Variants in KDM4C observed in about 807,000 individuals in gnomAD.
KDM4C encodes the protein lysine-specific demethylase 4C.
In KDM4C, 81 loss-of-function variants were observed where a neutral mutation model predicts 129.3. That is an observed-to-expected ratio of 0.63 (90% CI 0.52 to 0.75). The LOEUF (loss-of-function observed/expected upper bound fraction) is 0.75. KDM4C is among the 30% of genes least tolerant of loss of function. The probability of loss-of-function intolerance (pLI) is 0.00; values close to 1 mark genes in which losing one functional copy is unlikely to be tolerated. For synonymous variants in KDM4C, 573 were observed against 456.1 expected (o/e 1.26, Z -3.26); for missense variants, 1,457 against 1,304.0 (o/e 1.12, Z -1.81).
At chr9:6,805,087 G>T (rs985941811) in intron 2 of KDM4C, among the ~76,000 whole-genome samples, 1 of 152,068 alleles carries the variant, frequency 6.6e-6, no homozygotes, top group Non-Finnish European at 1.5e-5. Context: ...TTTTAGTAGA[G>T]GCGGGGTTTC....
In KDM4C at chr9:6,989,358, ACT is replaced by A. The variant is rs767521024; in HGVS notation, c.1678-1051_1678-1050del. 1.8e-3 allele frequency among the ~76,000 whole-genome samples: 274 copies of A among 152,116 alleles called. 1 individual carries two copies. Among genetic ancestry groups the A allele is most frequent in the Non-Finnish European group, 3.2e-3 (215 of 68,002 alleles). On this transcript the variant is annotated intron_variant, in intron 11 of 21. Coordinates refer to ENST00000381309, the MANE Select transcript of KDM4C (RefSeq NM_015061.6). ...CTTGATGTAAGCTTGCTGGGTTCAAACTCTCTCTGATATCCTCTTTCCCTTCC... is the reference window on the plus strand; with the variant it reads ...CTTGATGTAAGCTTGCTGGGTTCAAACTCTCTGATATCCTCTTTCCCTTCC...
chr9:6,752,280 T>C (rs1175506490), intron 1 of KDM4C, among the ~76,000 whole-genome samples: 4 of 113,026 alleles, frequency 3.5e-5, no homozygotes, highest in Admixed American at 2.6e-4. Flanking sequence ...TTGCAGTGAG[T>C]CGAGATCGCG....
At chr9:7,009,851 T>C (rs1285145280) in intron 12 of KDM4C, among the ~76,000 whole-genome samples, 1 of 152,156 alleles carries the variant, frequency 6.6e-6, no homozygotes, top group Non-Finnish European at 1.5e-5. Context: ...TTTTTTTCAA[T>C]AAATACATTA....
chr9:6,911,413 C>G (rs1170054150), intron 8 of KDM4C, among the ~76,000 whole-genome samples: 1 of 152,172 alleles, frequency 6.6e-6, no homozygotes, highest in African/African-American at 2.4e-5. Flanking sequence ...GTAATTGCAT[C>G]TGATATTTGT....
intron 19 of KDM4C, among the ~76,000 whole-genome samples, chr9:7,161,596 G>T (rs1199055179): frequency 6.6e-6 from 1 of 152,164 alleles, no homozygotes; most frequent in Non-Finnish European, 1.5e-5. Context: ...CTGAAGACCT[G>T]CACCCCACAG....
chr9:6,863,459 G>A (rs1841337878), intron 5 of KDM4C, among the ~76,000 whole-genome samples: 1 of 152,088 alleles, frequency 6.6e-6, no homozygotes, highest in Admixed American at 6.6e-5. Flanking sequence ...TCCATTCATG[G>A]TGGAAGTTGA....
chr9:7,007,819 AT>A (rs986684274), intron 12 of KDM4C, among the ~76,000 whole-genome samples: 1 of 152,352 alleles, frequency 6.6e-6, no homozygotes, highest in African/African-American at 2.4e-5. Flanking sequence ...TCATTTAAAA[AT>A]AGCAATAAAA....
At chr9:6,740,036 C>A (rs1170963437) in intron 1 of KDM4C, among the ~76,000 whole-genome samples, 1 of 151,872 alleles carries the variant, frequency 6.6e-6, no homozygotes, top group African/African-American at 2.4e-5. Flanking sequence ...ACTACAGGCG[C>A]GCGCCACCAC....
chr9:6,988,414 G>C (rs1355896738), intron 11 of KDM4C, among the ~76,000 whole-genome samples: 1 of 152,000 alleles, frequency 6.6e-6, no homozygotes, highest in African/African-American at 2.4e-5. Context: ...AGCAAAGACT[G>C]ACAGTAGAGA....
chr9:6,892,797 A>G (rs1015323640), intron 7 of KDM4C, among the ~76,000 whole-genome samples: 5 of 152,240 alleles, frequency 3.3e-5, no homozygotes, highest in African/African-American at 1.2e-4. Context: ...GCTAATATGA[A>G]CAAATTTACT....
chr9:7,140,213 G>A (rs572947257), intron 19 of KDM4C, among the ~76,000 whole-genome samples: 3 of 152,000 alleles, frequency 2.0e-5, no homozygotes, highest in East Asian at 1.9e-4. Context: ...CCTGATGGTC[G>A]CCCTACACTC....
rs1823155461 is a variant in KDM4C at position 7,013,873 on chromosome 9, T to A, written c.2054T>A (p.Leu685His). 1 of 1,613,986 alleles carries A rather than the reference T, an allele frequency of 6.2e-7. No homozygotes were observed. The highest frequency in any genetic ancestry group is 1.1e-5 in the South Asian group (1 of 91,080). The change falls in exon 14 of 22, where the codon CTC becomes CAC. Residue 685 changes from leucine (L) to histidine (H), a missense_variant. Coordinates refer to ENST00000381309, the MANE Select transcript of KDM4C (RefSeq NM_015061.6). ...VVTSEGKTKP[L>H]IPEMCFIYSE... is the part of the protein sequence containing the mutation. The stretch of plus-strand genomic sequence containing the variant: ...ACATCGGAGGGAAAGACTAAGCCCC[T>A]CATACCAGAGATGTGTTTTATTTAT...
intron 9 of KDM4C, chr9:6,982,334 C>G (rs1816912650): frequency 6.6e-6 from 1 of 152,076 alleles, no homozygotes; most frequent in South Asian, 2.1e-4. Context: ...AGGTGCAGAA[C>G]TAACTCAGGT....
chr9:6,909,795 TA>T (rs926533260), intron 8 of KDM4C, among the ~76,000 whole-genome samples: 7 of 152,200 alleles, frequency 4.6e-5, no homozygotes, highest in South Asian at 2.1e-4. Context: ...AAAAAATTCT[TA>T]AAAAAATATT....
At chr9:7,127,237 A>G (rs1008399242) in intron 18 of KDM4C, among the ~76,000 whole-genome samples, 1 of 152,254 alleles carries the variant, frequency 6.6e-6, no homozygotes, top group Non-Finnish European at 1.5e-5. Flanking sequence ...TAAGAGGAAC[A>G]GGACATTTAC....
At chr9:6,780,257 G>A (rs761647962) in intron 1 of KDM4C, among the ~76,000 whole-genome samples, 21 of 149,542 alleles carry the variant, frequency 1.4e-4, no homozygotes, top group South Asian at 2.2e-4. Flanking sequence ...TGAATACAGC[G>A]GTGTTATTGT....
intron 19 of KDM4C, among the ~76,000 whole-genome samples, chr9:7,145,450 T>C (rs1281821544): frequency 2.0e-5 from 3 of 152,138 alleles, no homozygotes; most frequent in Admixed American, 6.5e-5. Context: ...CACTCCCCTC[T>C]CACCTCATCC....
chr9:6,963,612 GA>G (rs1200848571), intron 8 of KDM4C, among the ~76,000 whole-genome samples: 20 of 152,242 alleles, frequency 1.3e-4, no homozygotes, highest in African/African-American at 4.8e-4. Context: ...GGATGTAGCA[GA>G]GGGGTAACAG....
chr9:6,829,515 T>A (rs1198025393), intron 4 of KDM4C, among the ~76,000 whole-genome samples: 1 of 152,238 alleles, frequency 6.6e-6, no homozygotes, highest in Non-Finnish European at 1.5e-5. Flanking sequence ...GGAAAAAACT[T>A]TGGAGATCAT....
Sources: allele counts gnomAD v4.1 joint callset (sites outside exome capture counted in the v4.1 genomes callset), GRCh38; gene constraint gnomAD v4.1.1; transcripts MANE v1.5; gene names NCBI Gene and HGNC (gene_info 2026-07-23, HGNC 2026-07-21).